TTC27: variants seen among roughly 807,000 people sequenced by gnomAD.
TTC27 encodes the protein tetratricopeptide repeat domain 27.
A neutral mutation model predicts 115.9 loss-of-function variants in TTC27; 79 were observed. The observed-to-expected ratio is 0.68, with a 90% CI of 0.57 to 0.82. The LOEUF (loss-of-function observed/expected upper bound fraction) is 0.82. TTC27 is among the 40% of genes least tolerant of loss of function. The pLI is 0.00. For missense variants in TTC27, 1,054 were observed against 993.1 expected, an observed-to-expected ratio of 1.06 and a Z score of -0.82; for synonymous variants, 401 against 356.0, an observed-to-expected ratio of 1.13 and a Z score of -1.42.
intron 9 of TTC27, among the ~76,000 whole-genome samples, chr2:32,685,015 CTTTTT>C (rs70938361): frequency 5.2e-4 from 60 of 116,314 alleles, no homozygotes; most frequent in Middle Eastern, 4.8e-3. Context: ...TTGCCTTTTC[CTTTTT>C]TTTTTTTTTT....
chr2:32,742,297 A>T (rs1397198982), intron 12 of TTC27, among the ~76,000 whole-genome samples: 2 of 152,238 alleles, frequency 1.3e-5, no homozygotes, highest in Non-Finnish European at 2.9e-5. Context: ...TGATTGAGAA[A>T]AATAGGCAAA....
chr2:32,629,245 C>T lies in TTC27; in HGVS notation c.88+865C>T, dbSNP rs140713889. ...CAAGCGATTCTCCTGCTTCAGCCTC[C>T]AAAGTAGCTGGGACTACAGGCATGC... is the stretch of plus-strand genomic sequence containing the variant. On this transcript the variant is annotated intron_variant, in intron 1 of 19. Coordinates refer to ENST00000317907, the MANE Select transcript of TTC27 (RefSeq NM_017735.5). Among the ~76,000 whole-genome samples, 99 of 151,982 alleles carry T rather than the reference C, an allele frequency of 6.5e-4. 4 individuals carry two copies. The East Asian group carries it at 0.018, about 28-fold the overall frequency.
intron 17 of TTC27, 21 bp from the exon 18 acceptor site, chr2:32,812,480 ATGT>A: frequency 6.6e-7 from 1 of 1,510,224 alleles, no homozygotes; most frequent in Non-Finnish European, 9.2e-7. Flanking sequence ...GTTATTCTGA[ATGT>A]TGTTCTTTCT....
intron 9 of TTC27, among the ~76,000 whole-genome samples, chr2:32,693,997 A>G (rs542170330): frequency 1.6e-4 from 24 of 152,372 alleles, no homozygotes; most frequent in Admixed American, 3.3e-4. Flanking sequence ...TATCGAGAAC[A>G]AATAAAATTC....
At chr2:32,650,438 T>TA (rs1289991241) in intron 5 of TTC27, among the ~76,000 whole-genome samples, 1 of 151,278 alleles carries the variant, frequency 6.6e-6, no homozygotes, top group Non-Finnish European at 1.5e-5. Flanking sequence ...CTTTTTAGTT[T>TA]AAAAAAGATA....
chr2:32,630,378 T>A, intron 1 of TTC27, 145 bp from the exon 2 acceptor site: 3 of 538,420 alleles, frequency 5.6e-6, no homozygotes, highest in Non-Finnish European at 6.3e-6. Flanking sequence ...ATTTACTGAG[T>A]GCCTTGTGAC....
chr2:32,767,753 G>T (rs961999544), intron 13 of TTC27, among the ~76,000 whole-genome samples: 2 of 152,040 alleles, frequency 1.3e-5, no homozygotes, highest in Non-Finnish European at 2.9e-5. Context: ...GAGCCACCGC[G>T]CCCGGCCATT....
chr2:32,818,986 A>G (rs1272015864), intron 19 of TTC27, among the ~76,000 whole-genome samples: 2 of 152,258 alleles, frequency 1.3e-5, no homozygotes, highest in East Asian at 1.9e-4. Context: ...TCGGAAATCT[A>G]TAAGAGCCCC....
At chr2:32,725,783 G>A (rs1056633414) in intron 10 of TTC27, among the ~76,000 whole-genome samples, 10 of 152,210 alleles carry the variant, frequency 6.6e-5, no homozygotes, top group African/African-American at 2.4e-4. Flanking sequence ...CTTCTGCACT[G>A]CCCTAGCTGA....
chr2:32,666,164 T>G (rs1465038431), intron 6 of TTC27, among the ~76,000 whole-genome samples: 1 of 152,144 alleles, frequency 6.6e-6, no homozygotes, highest in African/African-American at 2.4e-5. Context: ...TGAAAAAATT[T>G]TGGTCTTACA....
intron 6 of TTC27, 125 bp downstream of exon 6, chr2:32,664,592 A>C: frequency 1.2e-6 from 1 of 801,786 alleles, no homozygotes; most frequent in Non-Finnish European, 1.9e-6. Flanking sequence ...AGTAGACTTT[A>C]AAGGTTTTAT....
chr2:32,682,018 G>A (rs890173884), intron 9 of TTC27, among the ~76,000 whole-genome samples: 4 of 141,962 alleles, frequency 2.8e-5, no homozygotes, highest in Non-Finnish European at 6.2e-5. Flanking sequence ...GTGTGTGTGT[G>A]TGTGTGTGTA....
At chr2:32,636,136 T>C (rs1007516850) in intron 3 of TTC27, among the ~76,000 whole-genome samples, 1 of 152,220 alleles carries the variant, frequency 6.6e-6, no homozygotes, top group Admixed American at 6.5e-5. Flanking sequence ...ATAGTATAGA[T>C]TAGAAATCCA....
At chr2:32,660,303 A>C (rs1257530789) in intron 5 of TTC27, among the ~76,000 whole-genome samples, 1 of 152,172 alleles carries the variant, frequency 6.6e-6, no homozygotes, top group Non-Finnish European at 1.5e-5. Context: ...TATTGGCTTC[A>C]TAAATGTCTT....
intron 9 of TTC27, 94 bp from the exon 10 acceptor site, chr2:32,702,713 C>G: frequency 1.3e-6 from 1 of 798,848 alleles, no homozygotes; most frequent in Non-Finnish European, 2.1e-6. Context: ...TTAACTGTAC[C>G]CTGATATTTT....
chr2:32,790,715 C>T (rs1022248958), intron 16 of TTC27, among the ~76,000 whole-genome samples: 1 of 152,052 alleles, frequency 6.6e-6, no homozygotes, highest in African/African-American at 2.4e-5. Flanking sequence ...CATTTCCTCC[C>T]CACCCCACCT....
intron 9 of TTC27, among the ~76,000 whole-genome samples, chr2:32,687,125 T>C (rs1666659660): frequency 6.6e-6 from 1 of 152,216 alleles, no homozygotes; most frequent in South Asian, 2.1e-4. Flanking sequence ...ATTACAGGCA[T>C]GAGCCACTGC....
At chr2:32,667,912 G>GGTGCA (rs1252542587) in intron 7 of TTC27, among the ~76,000 whole-genome samples, 4 of 151,508 alleles carry the variant, frequency 2.6e-5, no homozygotes, top group African/African-American at 9.7e-5. Flanking sequence ...AATTAGGCCA[G>GGTGCA]GTGCAGTGGC....
intron 10 of TTC27, among the ~76,000 whole-genome samples, chr2:32,722,987 A>G (rs1667976149): frequency 6.6e-6 from 1 of 152,158 alleles, no homozygotes; most frequent in Non-Finnish European, 1.5e-5. Flanking sequence ...ATATGCAACG[A>G]GTAGCTTATA....
Sources: allele counts gnomAD v4.1 joint callset (sites outside exome capture counted in the v4.1 genomes callset), GRCh38; gene constraint gnomAD v4.1.1; transcripts MANE v1.5; gene names NCBI Gene and HGNC (gene_info 2026-07-23, HGNC 2026-07-21).